The following ANO3 variants were observed in gnomAD, a reference collection of about 807,000 sequenced individuals.
ANO3 encodes anoctamin 3, also known as anoctamin-3.
Under a neutral mutation model 144.8 loss-of-function variants are expected in ANO3, and 99 were observed. That is an observed-to-expected ratio of 0.68 (90% confidence interval 0.58 to 0.81). The LOEUF (loss-of-function observed/expected upper bound fraction) is 0.81. Among genes scored for constraint, ANO3 ranks in the 30% least tolerant of loss-of-function variants. The pLI, the probability that ANO3 is intolerant of heterozygous loss-of-function variation, is 0.00. For missense variants in ANO3, 905 were observed against 1,202.2 expected (o/e 0.75, Z 3.66); for synonymous variants, 414 against 392.6 (o/e 1.05, Z -0.64).
intron 1 of ANO3, among the ~76,000 whole-genome samples, chr11:26,221,704 A>G (rs933198513): frequency 6.7e-6 from 1 of 148,530 alleles, no homozygotes; most frequent in Non-Finnish European, 1.5e-5. Flanking sequence ...GATTTCAATC[A>G]TGTCAGAAGG....
intron 1 of ANO3, among the ~76,000 whole-genome samples, chr11:26,440,622 G>A (rs1027246877): frequency 2.6e-5 from 4 of 152,140 alleles, no homozygotes; most frequent in African/African-American, 9.7e-5. Context: ...CTCAAGTAAA[G>A]TTGATAAGAA....
At chr11:26,655,700 A>G (rs1379118026) in intron 24 of ANO3, among the ~76,000 whole-genome samples, 1 of 152,180 alleles carries the variant, frequency 6.6e-6, no homozygotes, top group Non-Finnish European at 1.5e-5. Context: ...TTTTCCAGCA[A>G]ATCATAGGTC....
At chr11:26,340,800 T>C (rs1278118373) in intron 1 of ANO3, among the ~76,000 whole-genome samples, 1 of 152,234 alleles carries the variant, frequency 6.6e-6, no homozygotes, top group Non-Finnish European at 1.5e-5. Flanking sequence ...TAACGCTATC[T>C]TCCTTTTTAA....
At chr11:26,395,392 A>G (rs1347510017) in intron 1 of ANO3, among the ~76,000 whole-genome samples, 1 of 152,106 alleles carries the variant, frequency 6.6e-6, no homozygotes, top group African/African-American at 2.4e-5. Flanking sequence ...CACAATATTG[A>G]TTCTTCCTCT....
chr11:26,527,138 T>C (rs1385187066), intron 7 of ANO3, among the ~76,000 whole-genome samples: 2 of 152,126 alleles, frequency 1.3e-5, no homozygotes, highest in Non-Finnish European at 2.9e-5. Flanking sequence ...GGAACAAATG[T>C]CTGTTTATAT....
At chr11:26,463,816 T>G (rs1316949007) in intron 4 of ANO3, among the ~76,000 whole-genome samples, 1 of 151,922 alleles carries the variant, frequency 6.6e-6, no homozygotes, top group African/African-American at 2.4e-5. Flanking sequence ...GGATGCTGCT[T>G]CTTTTCATCA....
chr11:26,356,006 T>A (rs919015819), intron 1 of ANO3, among the ~76,000 whole-genome samples: 2 of 152,226 alleles, frequency 1.3e-5, no homozygotes, highest in Admixed American at 1.3e-4. Flanking sequence ...TTATAACAAT[T>A]CTCAAATTTT....
At chr11:26,396,290 C>A (rs998379932) in intron 1 of ANO3, among the ~76,000 whole-genome samples, 7 of 152,090 alleles carry the variant, frequency 4.6e-5, no homozygotes, top group Non-Finnish European at 8.8e-5. Context: ...CAGGAAACAA[C>A]AGATGCTGGA....
At chr11:26,190,116 T>G (rs3108823) in intron 1 of ANO3, among the ~76,000 whole-genome samples, 152,242 of 152,286 alleles carry the variant, frequency 1, 76,099 homozygotes, top group Non-Finnish European at 1. Flanking sequence ...CCTTATAAAA[T>G]AAGGCGTTGT....
chr11:26,634,080 C>CA (rs10631901), intron 18 of ANO3, 124 bp from the exon 19 acceptor site: 10,536 of 357,776 alleles, frequency 0.029, 3 homozygotes, highest in Admixed American at 0.046. Context: ...ACTCCATTTC[C>CA]AAAAAAAAAA....
chr11:26,647,766 T>A lies in ANO3; in HGVS notation c.2486T>A (p.Phe829Tyr). The A allele has an allele frequency of 6.2e-7, 1 of 1,613,292 alleles. No homozygotes were observed. ...ATATTGGCTGTGATCACCAATGCATTTGTAATTGCTATTACTTCTGATTAC... is the reference window on the plus strand; with the variant it reads ...ATATTGGCTGTGATCACCAATGCATATGTAATTGCTATTACTTCTGATTAC... ...IGILAVITNA[F>Y]VIAITSDYIP... The change falls in exon 24 of 27, where the codon TTT becomes TAT. Residue 829 changes from phenylalanine (F) to tyrosine (Y), a missense_variant. This residue lies in a region of ANO3 where 597 missense variants were observed against 865.1 expected (regional missense o/e 0.69). Transcript: ENST00000256737.
intron 1 of ANO3, among the ~76,000 whole-genome samples, chr11:26,303,331 G>A (rs1590246117): frequency 6.6e-6 from 1 of 152,068 alleles, no homozygotes; most frequent in Admixed American, 6.5e-5. Context: ...AAAAAAAAAT[G>A]TGGTATATAT....
intron 1 of ANO3, among the ~76,000 whole-genome samples, chr11:26,267,225 T>C (rs1853336215): frequency 6.6e-6 from 1 of 151,990 alleles, no homozygotes; most frequent in African/African-American, 2.4e-5. Flanking sequence ...CCTCAATGGT[T>C]GAAACTAAAT....
intron 23 of ANO3, among the ~76,000 whole-genome samples, 174 bp from the exon 24 acceptor site, chr11:26,647,535 A>T (rs939694677): frequency 3.3e-5 from 5 of 152,206 alleles, no homozygotes; most frequent in African/African-American, 1.2e-4. Context: ...CTCTTTGTGG[A>T]AAAAGTGTAT....
chr11:26,596,609 T>C (rs1851637428), intron 14 of ANO3, among the ~76,000 whole-genome samples: 1 of 152,152 alleles, frequency 6.6e-6, no homozygotes, highest in Non-Finnish European at 1.5e-5. Context: ...TAGATCCCTT[T>C]GGAGATACAA....
At chr11:26,624,570 T>G in intron 18 of ANO3, 72 bp downstream of exon 18, 1 of 1,088,476 alleles carries the variant, frequency 9.2e-7, no homozygotes, top group Admixed American at 2.0e-5. Flanking sequence ...GTAGTTACTT[T>G]ATATAATGTA....
intron 1 of ANO3, among the ~76,000 whole-genome samples, chr11:26,385,884 T>C (rs1288646654): frequency 1.3e-5 from 2 of 148,510 alleles, no homozygotes; most frequent in East Asian, 3.9e-4. Flanking sequence ...TGTGAAGTTC[T>C]TTGTGTGTGT....
At chr11:26,319,967 G>A (rs1004361472) in intron 1 of ANO3, among the ~76,000 whole-genome samples, 1 of 152,150 alleles carries the variant, frequency 6.6e-6, no homozygotes, top group African/African-American at 2.4e-5. Flanking sequence ...GTGAGACAAT[G>A]AGAATCCAAA....
chr11:26,574,051 A>T (rs1850924271), intron 14 of ANO3, among the ~76,000 whole-genome samples: 1 of 152,198 alleles, frequency 6.6e-6, no homozygotes, highest in African/African-American at 2.4e-5. Flanking sequence ...ACAATGAGAG[A>T]TAATTACCTG....
Sources: gnomAD v4.1 joint callset for allele counts (sites outside exome capture counted in the v4.1 genomes callset) on GRCh38, gnomAD v4.1.1 for gene constraint, gnomAD v4.1.1 regional missense constraint, MANE v1.5 for transcripts, NCBI Gene and HGNC (gene_info 2026-07-23, HGNC 2026-07-21) for gene names.